SNX25: variants seen among roughly 807,000 people sequenced by gnomAD.
SNX25 encodes the protein sorting nexin 25, also known as sorting nexin-25.
SNX25 carries 62 observed loss-of-function variants against 113.7 expected under a neutral mutation model. The observed-to-expected ratio is 0.55, with a 90% CI of 0.44 to 0.67. The LOEUF is 0.67. Among genes scored for constraint, SNX25 ranks in the 30% least tolerant of loss-of-function variants. The pLI is 0.00. For synonymous variants in SNX25, 421 were observed against 436.2 expected (o/e 0.97, Z 0.43); for missense variants, 1,014 against 1,161.0 (o/e 0.87, Z 1.84).
chr4:185,363,632 T>G lies in SNX25; in HGVS notation c.*167T>G. 1.9e-6 allele frequency: 1 copy of G among 531,844 alleles called. No homozygotes were observed. 32.9% of individuals were successfully genotyped at this position (531,844 alleles called of 1,614,324 possible). A position where few individuals can be genotyped will look rare whatever the true frequency, so the allele number is the denominator to read the frequency against. Reference sequence around the variant, plus strand: ...GAATCAGGGAGGACGGGACTTATGCTGTGGTAGGCAACAGAAAAAAACTTC... The same window carrying G: ...GAATCAGGGAGGACGGGACTTATGCGGTGGTAGGCAACAGAAAAAAACTTC... On this transcript the variant is annotated 3_prime_UTR_variant, in exon 19 of 19. Transcript: ENST00000652585. This position sits in a 1 kb window ranked among gnomAD's most constrained non-coding sequence, Gnocchi z 4.2.
chr4:185,320,196 G>C (rs570866064), intron 7 of SNX25, among the ~76,000 whole-genome samples: 2 of 152,234 alleles, frequency 1.3e-5, no homozygotes, highest in East Asian at 3.9e-4. Context: ...TTGCAGCACT[G>C]TTTACAATAG....
chr4:185,357,430 G>C (rs2095344180), intron 15 of SNX25, among the ~76,000 whole-genome samples: 2 of 152,162 alleles, frequency 1.3e-5, no homozygotes, highest in South Asian at 4.1e-4. Flanking sequence ...CTCAGCTGTT[G>C]GGAGGCACTG....
chr4:185,260,792 C>G (rs1430628044), intron 3 of SNX25, among the ~76,000 whole-genome samples: 2 of 152,116 alleles, frequency 1.3e-5, no homozygotes, highest in African/African-American at 4.8e-5. Flanking sequence ...AGTCTCTGGA[C>G]CACCCTTTGA....
At chr4:185,249,068 A>G (rs962867175) in intron 2 of SNX25, among the ~76,000 whole-genome samples, 1 of 152,218 alleles carries the variant, frequency 6.6e-6, no homozygotes, top group African/African-American at 2.4e-5. Context: ...CCTGTGGGAC[A>G]TCTGGGTTAT....
intron 14 of SNX25, among the ~76,000 whole-genome samples, 194 bp downstream of exon 14, chr4:185,351,803 C>G (rs746282510): frequency 2.0e-5 from 3 of 151,878 alleles, no homozygotes; most frequent in African/African-American, 7.3e-5. Flanking sequence ...TTTACCACTT[C>G]GGAGTTGGTA....
At chr4:185,323,479 C>A (rs962469176) in intron 8 of SNX25, 49 bp from the exon 9 acceptor site, 1 of 1,516,830 alleles carries the variant, frequency 6.6e-7, no homozygotes, top group Admixed American at 2.1e-5. Flanking sequence ...AAAATAATTT[C>A]TCTCAGAGAT....
intron 14 of SNX25, among the ~76,000 whole-genome samples, chr4:185,352,317 G>A (rs2095319658): frequency 6.6e-6 from 1 of 152,146 alleles, no homozygotes; most frequent in Non-Finnish European, 1.5e-5. Context: ...ATTGCCAAAT[G>A]CTACTGCCTC....
intron 15 of SNX25, among the ~76,000 whole-genome samples, chr4:185,356,433 T>C (rs1398234412): frequency 1.3e-5 from 2 of 152,204 alleles, no homozygotes; most frequent in Admixed American, 6.5e-5. Context: ...CTGATAGACA[T>C]GCTCATCCCA....
intron 7 of SNX25, among the ~76,000 whole-genome samples, chr4:185,316,130 TC>T (rs2095072335): frequency 6.6e-6 from 1 of 152,228 alleles, no homozygotes; most frequent in South Asian, 2.1e-4. Context: ...TCACTGCTAA[TC>T]CTTTTATCCA....
chr4:185,235,719 C>T (rs1226766747), intron 1 of SNX25, among the ~76,000 whole-genome samples: 1 of 152,082 alleles, frequency 6.6e-6, no homozygotes, highest in African/African-American at 2.4e-5. Flanking sequence ...TAGTGAGACC[C>T]CTGTGTCTAC....
upstream of SNX25, among the ~76,000 whole-genome samples, chr4:185,205,147 T>C (rs915626452): frequency 6.6e-6 from 1 of 152,268 alleles, no homozygotes; most frequent in Non-Finnish European, 1.5e-5. Flanking sequence ...TAATCAATTC[T>C]CTTTTTGTTG....
chr4:185,373,029 C>G (rs777401952), downstream of SNX25: 122 of 1,612,614 alleles, frequency 7.6e-5, no homozygotes, highest in Non-Finnish European at 1.0e-4. Context: ...CAAGTGCACC[C>G]TGGGACTCCA....
chr4:185,211,706 G>A (rs1737833910), intron 1 of SNX25, among the ~76,000 whole-genome samples: 1 of 152,116 alleles, frequency 6.6e-6, no homozygotes, highest in Non-Finnish European at 1.5e-5. Context: ...TAAATACTGT[G>A]GGATAGTGAT....
At chr4:185,340,117 A>G (rs2095252373) in intron 11 of SNX25, among the ~76,000 whole-genome samples, 1 of 152,164 alleles carries the variant, frequency 6.6e-6, no homozygotes, top group African/African-American at 2.4e-5. Flanking sequence ...TCAAGTGGAA[A>G]CCTGGAGATG....
chr4:185,262,097 T>C (rs1395126237), intron 3 of SNX25, among the ~76,000 whole-genome samples: 1 of 150,242 alleles, frequency 6.7e-6, no homozygotes, highest in East Asian at 2.0e-4. Flanking sequence ...GCAGAATGAC[T>C]TTGGTAGCCT....
At chr4:185,212,457 T>A (rs866710692) in intron 1 of SNX25, among the ~76,000 whole-genome samples, 17 of 141,742 alleles carry the variant, frequency 1.2e-4, no homozygotes, top group African/African-American at 4.2e-4. Context: ...TCCAATAATT[T>A]GTGTGATGTG....
chr4:185,242,002 TTC>T (rs888708168), intron 1 of SNX25, among the ~76,000 whole-genome samples: 29 of 152,328 alleles, frequency 1.9e-4, no homozygotes, highest in African/African-American at 6.5e-4. Flanking sequence ...TTTCATTAGC[TTC>T]TTTCTCTTTT....
intron 5 of SNX25, among the ~76,000 whole-genome samples, chr4:185,281,249 A>G (rs572673981): frequency 1.3e-5 from 2 of 152,186 alleles, no homozygotes; most frequent in Non-Finnish European, 2.9e-5. Flanking sequence ...ATGTATACGT[A>G]CCATTTCCCT....
chr4:185,239,286 A>T (rs1008024303), intron 1 of SNX25, among the ~76,000 whole-genome samples: 10 of 151,828 alleles, frequency 6.6e-5, no homozygotes, highest in Non-Finnish European at 1.5e-4. Context: ...GATCGAGACC[A>T]TCCTGGCCAA....
Sources: allele counts gnomAD v4.1 joint callset (sites outside exome capture counted in the v4.1 genomes callset), GRCh38; gene constraint gnomAD v4.1.1; non-coding constraint Gnocchi (gnomAD v3.1); transcripts MANE v1.5; gene names NCBI Gene and HGNC (gene_info 2026-07-23, HGNC 2026-07-21).